SYK: variants seen among roughly 807,000 people sequenced by gnomAD.
SYK encodes spleen associated tyrosine kinase.
In SYK, 16 loss-of-function variants were observed where a neutral mutation model predicts 77.8. The ratio of observed to expected loss-of-function variants is 0.21; its 90% confidence interval spans 0.14 to 0.31. The LOEUF is 0.31. Ranked by LOEUF, SYK falls within the 10% of genes least tolerant of loss-of-function variation. The pLI is 1.00. For synonymous variants in SYK, 312 were observed against 308.7 expected (o/e 1.01, Z -0.11); for missense variants, 529 against 814.4 (o/e 0.65, Z 4.26).
chr9:90,855,716 GAGAC>G (rs898568926), intron 3 of SYK, among the ~76,000 whole-genome samples: 13 of 151,532 alleles, frequency 8.6e-5, no homozygotes, highest in South Asian at 2.1e-4. Context: ...GAGAGAGAGA[GAGAC>G]AGACAGAGAA....
chr9:90,858,869 C>T (rs1294044178), intron 3 of SYK, among the ~76,000 whole-genome samples: 5 of 152,194 alleles, frequency 3.3e-5, no homozygotes, highest in South Asian at 2.1e-4. Context: ...CCTATACCTT[C>T]CAGTTACCTG....
chr9:90,832,583 C>T (rs1052549635), intron 1 of SYK, among the ~76,000 whole-genome samples: 14 of 152,210 alleles, frequency 9.2e-5, no homozygotes, highest in African/African-American at 3.4e-4. Flanking sequence ...TTTAGCTCCA[C>T]GTACCTCTTC....
intron 1 of SYK, among the ~76,000 whole-genome samples, chr9:90,831,400 G>C (rs141147624): frequency 3.5e-4 from 53 of 152,286 alleles, no homozygotes; most frequent in Admixed American, 1.1e-3. Flanking sequence ...TACCTCTTCT[G>C]GTTCAATGCC....
At chr9:90,838,478 G>A (rs757745449) in intron 1 of SYK, among the ~76,000 whole-genome samples, 1 of 152,174 alleles carries the variant, frequency 6.6e-6, no homozygotes, top group Non-Finnish European at 1.5e-5. Context: ...CTACAACTAA[G>A]TGCACATTTA....
chr9:90,805,433 C>A (rs563573189), intron 1 of SYK, among the ~76,000 whole-genome samples: 2 of 152,310 alleles, frequency 1.3e-5, no homozygotes, highest in African/African-American at 2.4e-5. Flanking sequence ...ACCTTGCAGG[C>A]AAGCTGCAGG....
At chr9:90,802,925 C>G (rs1198537587) in intron 1 of SYK, among the ~76,000 whole-genome samples, 2 of 150,640 alleles carry the variant, frequency 1.3e-5, no homozygotes, top group Admixed American at 6.6e-5. Context: ...GGAATTGATT[C>G]TACCATCTGA....
At chr9:90,801,999 G>C (rs200253631) in intron 1 of SYK, 106 bp downstream of exon 1, 2 of 152,236 alleles carry the variant, frequency 1.3e-5, no homozygotes, top group Non-Finnish European at 2.9e-5. Flanking sequence ...TACCTTCATC[G>C]GCCGAGGTAA....
At chr9:90,803,687 A>G (rs1322563519) in intron 1 of SYK, among the ~76,000 whole-genome samples, 1 of 152,238 alleles carries the variant, frequency 6.6e-6, no homozygotes, top group South Asian at 2.1e-4. Flanking sequence ...TTGTTTGCCC[A>G]TGGTTATAAT....
chr9:90,869,186 T>C (rs1476512414), intron 7 of SYK, among the ~76,000 whole-genome samples: 1 of 152,160 alleles, frequency 6.6e-6, no homozygotes, highest in Non-Finnish European at 1.5e-5. Flanking sequence ...AATTTGAACC[T>C]GTTAAGAAAT....
chr9:90,865,579 G>C (rs1412764796), intron 6 of SYK, among the ~76,000 whole-genome samples: 1 of 152,048 alleles, frequency 6.6e-6, no homozygotes, highest in Non-Finnish European at 1.5e-5. Context: ...AAAGTGCTTG[G>C]ATTACAGGCA....
intron 1 of SYK, among the ~76,000 whole-genome samples, chr9:90,831,537 G>A (rs1825892466): frequency 6.6e-6 from 1 of 152,212 alleles, no homozygotes; most frequent in Admixed American, 6.5e-5. Flanking sequence ...CTTTATGGAT[G>A]AGGTTGGGTC....
Position 90,896,458 on chromosome 9 carries a change from C to A in SYK, c.*858C>A, listed in dbSNP as rs201170015. ...CAGCTTCAGGCTGCCTTCCTCTGAA[C>A]GTGGTCCACACCTTCCTCTCCTCCA... On this transcript the variant is annotated 3_prime_UTR_variant, in exon 14 of 14. Transcript: ENST00000375754. 3 of 233,164 alleles carry A rather than the reference C, an allele frequency of 1.3e-5. No individual in the cohort carries two copies. The highest frequency in any genetic ancestry group is 6.6e-5 in the African/African-American group (3 of 45,342). 14.4% of individuals were successfully genotyped at this position (233,164 alleles called of 1,614,324 possible). A position where few individuals can be genotyped will look rare whatever the true frequency, so the allele number is the denominator to read the frequency against.
chr9:90,896,278 AGG>A lies in SYK; in HGVS notation c.*681_*682del. The A allele has an allele frequency of 4.3e-6, 1 of 233,136 alleles. No individual in the cohort carries two copies. Among genetic ancestry groups the A allele is most frequent in the Non-Finnish European group, 8.5e-6 (1 of 118,010 alleles). 14.4% of individuals were successfully genotyped at this position (233,136 alleles called of 1,614,324 possible). A position where few individuals can be genotyped will look rare whatever the true frequency, so the allele number is the denominator to read the frequency against. ...GGAAGACTTACATGTTTGTGATAAA[AGG>A]GGACCATGAGAATGAATTGGCTTGG... On this transcript the variant is annotated 3_prime_UTR_variant, in exon 14 of 14. Coordinates refer to ENST00000375754, the MANE Select transcript of SYK (RefSeq NM_003177.7).
intron 1 of SYK, among the ~76,000 whole-genome samples, chr9:90,828,695 G>A (rs1301900619): frequency 1.3e-5 from 2 of 152,114 alleles, no homozygotes; most frequent in African/African-American, 4.8e-5. Context: ...TTGTGTGTGC[G>A]TTGCGTGTGC....
intron 1 of SYK, among the ~76,000 whole-genome samples, chr9:90,831,679 C>T (rs1296614858): frequency 6.6e-6 from 1 of 152,228 alleles, no homozygotes; most frequent in Non-Finnish European, 1.5e-5. Flanking sequence ...ACTCACAGCA[C>T]TTTTGCAGTC....
At chr9:90,851,316 C>A (rs943439798) in intron 3 of SYK, among the ~76,000 whole-genome samples, 5 of 152,198 alleles carry the variant, frequency 3.3e-5, no homozygotes, top group African/African-American at 9.7e-5. Flanking sequence ...CTCTTGTGTC[C>A]TGTCCACAGA....
At chr9:90,848,940 G>A (rs779733631) in intron 3 of SYK, among the ~76,000 whole-genome samples, 5 of 152,208 alleles carry the variant, frequency 3.3e-5, no homozygotes, top group Admixed American at 6.5e-5. Context: ...TGAAGGCAGC[G>A]AGGAACCATC....
intron 7 of SYK, among the ~76,000 whole-genome samples, chr9:90,869,906 A>C (rs10993737): frequency 0.082 from 12,488 of 152,210 alleles, 654 homozygotes; most frequent in African/African-American, 0.15. Flanking sequence ...TCAGGAGTTC[A>C]AGACTAGCCT....
chr9:90,847,126 A>AT (rs1464419474), intron 3 of SYK, among the ~76,000 whole-genome samples: 1 of 152,174 alleles, frequency 6.6e-6, no homozygotes, highest in East Asian at 1.9e-4. Flanking sequence ...TGGGAGATGT[A>AT]TATAAACCCC....
Sources: allele counts gnomAD v4.1 joint callset (sites outside exome capture counted in the v4.1 genomes callset), GRCh38; gene constraint gnomAD v4.1.1; transcripts MANE v1.5; gene names NCBI Gene and HGNC (gene_info 2026-07-23, HGNC 2026-07-21).